TMCO6: variants seen among roughly 807,000 people sequenced by gnomAD.
The protein encoded by TMCO6 is transmembrane and coiled-coil domains 6, also known as transmembrane and coiled-coil domain-containing protein 6.
A neutral mutation model predicts 61.8 loss-of-function variants in TMCO6; 47 were observed. That is an observed-to-expected ratio of 0.76 (90% CI 0.60 to 0.97). The LOEUF (loss-of-function observed/expected upper bound fraction) is 0.97. TMCO6 is among the 50% of genes least tolerant of loss of function. TMCO6 has a pLI of 0.00. For synonymous variants in TMCO6, 261 were observed against 254.2 expected, an observed-to-expected ratio of 1.03 and a Z score of -0.25; for missense variants, 557 against 601.6, an observed-to-expected ratio of 0.93 and a Z score of 0.78.
chr5:140,642,209 G>A (rs1192650539), intron 4 of TMCO6, 106 bp from the exon 5 acceptor site: 17 of 1,382,548 alleles, frequency 1.2e-5, no homozygotes, highest in African/African-American at 5.7e-5. Context: ...CTTGTGAGCC[G>A]CAAGGATAGC....
chr5:140,643,660 T>G lies in TMCO6; in HGVS notation c.903T>G (p.Asp301Glu). Residue 301 changes from aspartate to glutamate, a missense_variant, in exon 8 of 12, where the codon GAT (aspartate) becomes GAG (glutamate). Asp to Glu is a conservative substitution (Grantham distance 45, BLOSUM62 2). Transcript: ENST00000394671. ...CTGGGGCTGTCCAGAAAACCGAGGA[T>G]GCAGGACTGGAGCTGGTAGGTGAAG... ...DLAGAVQKTE[D>E]AGLELLACPV... 6.2e-7 allele frequency: 1 copy of G among 1,613,064 alleles called. No homozygotes were observed. The highest frequency in any genetic ancestry group is 8.5e-7 in the Non-Finnish European group (1 of 1,179,434).
chr5:140,596,670 C>T, the TMCO6 span, among the ~76,000 whole-genome samples: 137 of 152,314 alleles, frequency 9.0e-4, no homozygotes, highest in Non-Finnish European at 2.1e-4. Context: ...GGCTCTGTTC[C>T]AGTCCCCCCT....
At chr5:140,622,176 G>A in the TMCO6 span, among the ~76,000 whole-genome samples, 48,928 of 151,988 alleles carry the variant, frequency 0.32, 8,313 homozygotes, top group African/African-American at 0.43. Flanking sequence ...GGAACCTACC[G>A]ACATGTGATG....
chr5:140,619,559 C>CA, the TMCO6 span, among the ~76,000 whole-genome samples: 1 of 150,600 alleles, frequency 6.6e-6, no homozygotes, highest in South Asian at 2.1e-4. Context: ...CCTGCAGCTG[C>CA]AAAAAAATGT....
chr5:140,640,586 GC>G (rs1442029160), intron 2 of TMCO6, among the ~76,000 whole-genome samples: 4 of 151,872 alleles, frequency 2.6e-5, no homozygotes, highest in African/African-American at 7.3e-5. Flanking sequence ...TTAAGTAGAG[GC>G]GGGGTTTCAT....
chr5:140,643,147 C>A, intron 7 of TMCO6, 106 bp downstream of exon 7: 1 of 1,485,930 alleles, frequency 6.7e-7, no homozygotes, highest in Non-Finnish European at 9.2e-7. Context: ...AGTTTTCCTC[C>A]CTCCACTGTC....
chr5:140,642,641 A>G lies in TMCO6; in HGVS notation c.659A>G (p.Gln220Arg). The G allele has an allele frequency of 6.2e-7, 1 of 1,614,228 alleles. No individual in the cohort carries two copies. Among genetic ancestry groups the G allele is most frequent in the Non-Finnish European group, 8.5e-7 (1 of 1,180,044 alleles). The stretch of plus-strand genomic sequence containing the variant: ...GGATATGCCTTGTCCCAGCTTCTAC[A>G]GGCTGAGGAAGCTCCAGAGAAGATC... ...ALGYALSQLL[Q>R]AEEAPEKIIP... Residue 220 changes from glutamine (Q) to arginine (R), a missense_variant, in exon 6 of 12, where the codon CAG becomes CGG. Coordinates refer to ENST00000394671, the MANE Select transcript of TMCO6 (RefSeq NM_018502.5).
upstream of TMCO6, chr5:140,639,339 C>T: frequency 1.6e-6 from 1 of 608,810 alleles, no homozygotes; most frequent in Non-Finnish European, 2.9e-6. Context: ...CTCTAGCCCT[C>T]GCCCCGCCCA....
chr5:140,598,941 C>CA, the TMCO6 span, among the ~76,000 whole-genome samples: 2 of 151,942 alleles, frequency 1.3e-5, no homozygotes, highest in South Asian at 2.1e-4. Context: ...ATCTCAAAAA[C>CA]AAAAAAACCA....
Position 140,642,360 on chromosome 5 carries a change from G to T in TMCO6, c.544G>T (p.Ala182Ser), listed in dbSNP as rs781676399. The T allele has an allele frequency of 2.0e-5, 32 of 1,613,768 alleles. No individual in the cohort carries two copies. In the South Asian group the frequency reaches 3.2e-4, roughly 16 times the overall value. The change falls in exon 5 of 12, where the codon GCT becomes TCT. Residue 182 changes from alanine (A) to serine (S), a missense_variant. Physicochemically the swap from Ala to Ser is moderately conservative, Grantham distance 99. Transcript: ENST00000394671. The stretch of plus-strand genomic sequence containing the variant: ...GGGTAACCTGATCGTGGAGAGTGAG[G>T]CTGTGAGAAGGCAGCTCCTGCCACA... ...TLGNLIVESEAVRRQLLPQGI... is the reference protein window; with the variant it reads ...TLGNLIVESESVRRQLLPQGI...
intron 1 of TMCO6, 22 bp downstream of exon 1, chr5:140,639,634 C>T: frequency 6.5e-7 from 1 of 1,539,968 alleles, no homozygotes; most frequent in Non-Finnish European, 8.8e-7. Flanking sequence ...CGAGGGAGCG[C>T]GGGGGTATAT....
At chr5:140,632,597 G>A in the TMCO6 span, 1 of 1,614,000 alleles carries the variant, frequency 6.2e-7, no homozygotes, top group Non-Finnish European at 8.5e-7. The surrounding 1 kb of genome is among the most constrained non-coding windows in gnomAD (Gnocchi z 6.2). Context: ...GCATGGTGCC[G>A]GTTATCTTTA....
downstream of TMCO6, chr5:140,647,263 G>A (rs775211524): frequency 3.2e-6 from 5 of 1,548,538 alleles, no homozygotes; most frequent in Admixed American, 7.8e-5. Context: ...CACCGTAGCG[G>A]GCCCAGAGCT....
chr5:140,602,777 C>T, the TMCO6 span, among the ~76,000 whole-genome samples: 1 of 150,876 alleles, frequency 6.6e-6, no homozygotes, highest in African/African-American at 2.4e-5. Context: ...CACACACACA[C>T]ACAAACACAC....
Position 140,642,367 on chromosome 5 carries a change from G to C in TMCO6, c.551G>C (p.Arg184Thr). Residue 184 changes from arginine to threonine, a missense_variant, in exon 5 of 12, where the codon AGA becomes ACA. Physicochemically the swap from Arg to Thr is moderately conservative, Grantham distance 71 (BLOSUM62 -1). Coordinates refer to ENST00000394671, the MANE Select transcript of TMCO6 (RefSeq NM_018502.5). ...GNLIVESEAV[R>T]RQLLPQGIVP... is the part of the protein sequence containing the mutation. ...CTGATCGTGGAGAGTGAGGCTGTGA[G>C]AAGGCAGCTCCTGCCACAGGGCATT... The C allele has an allele frequency of 1.2e-6, 2 of 1,613,896 alleles. No homozygotes were observed. Among genetic ancestry groups the C allele is most frequent in the Non-Finnish European group, 1.7e-6 (2 of 1,179,904 alleles).
At chr5:140,642,833 G>T (rs925417075) in intron 6 of TMCO6, 92 bp from the exon 7 acceptor site, 20 of 1,605,142 alleles carry the variant, frequency 1.2e-5, no homozygotes, top group Non-Finnish European at 1.5e-5. Context: ...GCAGGGCTTT[G>T]GGTTTGGACA....
chr5:140,627,066 C>CA, the TMCO6 span, among the ~76,000 whole-genome samples: 323 of 149,244 alleles, frequency 2.2e-3, 2 homozygotes, highest in South Asian at 4.5e-3. Flanking sequence ...CTAAACTAGG[C>CA]AAAAAAAAAA....
the TMCO6 span, chr5:140,632,868 G>C: frequency 1.9e-6 from 3 of 1,614,170 alleles, no homozygotes; most frequent in South Asian, 3.3e-5. This position sits in a 1 kb window ranked among gnomAD's most constrained non-coding sequence, Gnocchi z 6.2. Flanking sequence ...CTGAGGTTCG[G>C]AGAAGTTGCA....
the TMCO6 span, chr5:140,633,744 T>C: frequency 6.6e-6 from 1 of 152,486 alleles, no homozygotes; most frequent in African/African-American, 2.4e-5. Flanking sequence ...AATTCCCCCT[T>C]CCTTTTTTTT....
Sources: gnomAD v4.1 joint callset for allele counts (sites outside exome capture counted in the v4.1 genomes callset) on GRCh38, gnomAD v4.1.1 for gene constraint, Gnocchi (gnomAD v3.1) non-coding constraint, MANE v1.5 for transcripts, NCBI Gene and HGNC (gene_info 2026-07-23, HGNC 2026-07-21) for gene names.